The following INTS7 variants were observed in gnomAD, a reference collection of about 807,000 sequenced individuals.
INTS7 encodes integrator complex subunit 7, also known as chromosome 1 open reading frame 73.
INTS7 carries 46 observed loss-of-function variants against 109.2 expected under a neutral mutation model. That is an observed-to-expected ratio of 0.42 (90% CI 0.33 to 0.54). The LOEUF (loss-of-function observed/expected upper bound fraction) is 0.54. INTS7 is among the 20% of genes least tolerant of loss of function. INTS7 has a pLI of 0.07. For synonymous variants in INTS7, 412 were observed against 402.9 expected (o/e 1.02, Z -0.27); for missense variants, 929 against 1,132.4 (o/e 0.82, Z 2.58).
At chr1:211,962,978 CA>C (rs1663707483) in intron 16 of INTS7, among the ~76,000 whole-genome samples, 1 of 151,924 alleles carries the variant, frequency 6.6e-6, no homozygotes, top group Non-Finnish European at 1.5e-5. Flanking sequence ...GAATGAAGAG[CA>C]AATCAACCCC....
At chr1:212,009,302 T>C (rs1208686015) in intron 5 of INTS7, among the ~76,000 whole-genome samples, 1 of 152,216 alleles carries the variant, frequency 6.6e-6, no homozygotes, top group Non-Finnish European at 1.5e-5. Flanking sequence ...AGTGTACAGA[T>C]TAATGTATTT....
At chr1:211,950,763 A>T (rs1287574620) in intron 17 of INTS7, among the ~76,000 whole-genome samples, 1 of 152,230 alleles carries the variant, frequency 6.6e-6, no homozygotes, top group East Asian at 1.9e-4. Flanking sequence ...CTAGTTCTGA[A>T]TGAGCCTAGG....
chr1:212,004,537 G>A (rs2102464524), intron 7 of INTS7, among the ~76,000 whole-genome samples: 1 of 152,256 alleles, frequency 6.6e-6, no homozygotes, highest in South Asian at 2.1e-4. Flanking sequence ...CCTAAAATAA[G>A]TGGAAAGATA....
chr1:211,995,223 G>A (rs1665328689), intron 7 of INTS7, among the ~76,000 whole-genome samples: 1 of 152,088 alleles, frequency 6.6e-6, no homozygotes, highest in South Asian at 2.1e-4. Context: ...GCAAAGAAAA[G>A]CGATGGGACA....
Position 211,992,870 on chromosome 1 carries a change from GAA to G in INTS7, c.880-4869_880-4868del. On this transcript the variant is annotated intron_variant, in intron 7 of 19. Transcript: ENST00000366994. ...CAGGACCATTTTTCATAACAAAAAGGAAAAACTGTCTTTTCAAATGGAGTCCT... is the reference window on the plus strand; with the variant it reads ...CAGGACCATTTTTCATAACAAAAAGGAAACTGTCTTTTCAAATGGAGTCCT... Among the ~76,000 whole-genome samples the G allele has an allele frequency of 2.0e-5, 3 of 152,126 alleles. No individual in the cohort carries two copies. The South Asian group carries it at 6.2e-4, about 32-fold the overall frequency.
chr1:212,007,559 A>G, intron 5 of INTS7, 110 bp from the exon 6 acceptor site: 1 of 684,114 alleles, frequency 1.5e-6, no homozygotes. Flanking sequence ...AACACAGTAT[A>G]CTAATATATT....
At chr1:211,973,610 T>C (rs1040804388) in intron 13 of INTS7, among the ~76,000 whole-genome samples, 2 of 151,988 alleles carry the variant, frequency 1.3e-5, no homozygotes, top group South Asian at 2.1e-4. Context: ...TAGAAAGCAA[T>C]TGTCAAATCC....
chr1:212,015,710 T>TAA (rs58204818), intron 4 of INTS7, among the ~76,000 whole-genome samples: 3 of 34,978 alleles, frequency 8.6e-5, no homozygotes, highest in Admixed American at 4.0e-4. Flanking sequence ...CAATAAATAC[T>TAA]AAAAAAAAAA....
At chr1:212,026,598 G>GA (rs970431656) in intron 1 of INTS7, among the ~76,000 whole-genome samples, 62 of 152,110 alleles carry the variant, frequency 4.1e-4, no homozygotes, top group African/African-American at 1.3e-3. Context: ...AGCCTGATAT[G>GA]AAAAACGGGT....
intron 7 of INTS7, among the ~76,000 whole-genome samples, chr1:211,988,818 T>G (rs1665018814): frequency 6.6e-6 from 1 of 152,230 alleles, no homozygotes; most frequent in Non-Finnish European, 1.5e-5. Context: ...ATCTGGTTTC[T>G]AAGTGAACAG....
At chr1:212,025,195 A>G (rs1487430649) in intron 1 of INTS7, among the ~76,000 whole-genome samples, 2 of 152,206 alleles carry the variant, frequency 1.3e-5, no homozygotes, top group African/African-American at 2.4e-5. Flanking sequence ...CGATCTCAAA[A>G]TCATTATGCT....
At chr1:212,013,967 GTCCTC>G (rs1666282999) in intron 4 of INTS7, among the ~76,000 whole-genome samples, 1 of 152,120 alleles carries the variant, frequency 6.6e-6, no homozygotes, top group Non-Finnish European at 1.5e-5. Flanking sequence ...ATTTTTAAAA[GTCCTC>G]TCAATACCAA....
chr1:211,969,416 G>A (rs1664062035), intron 13 of INTS7, among the ~76,000 whole-genome samples: 1 of 151,890 alleles, frequency 6.6e-6, no homozygotes, highest in Non-Finnish European at 1.5e-5. Context: ...TGTAAAGTCG[G>A]GGGCAGAAAG....
chr1:211,952,622 C>CA lies in INTS7; in HGVS notation c.2262dup (p.Val755CysfsTer70). On this transcript the variant is annotated frameshift_variant, in exon 17 of 20. Transcript: ENST00000366994. LOFTEE classifies it high-confidence loss of function. ...TTGAGTGATTCTACCTCCTCCAAGA[C>CA]ATGATTATATACAGACATCATTCTT... The CA allele has an allele frequency of 6.2e-7, 1 of 1,612,830 alleles. No homozygotes were observed. Among genetic ancestry groups the CA allele is most frequent in the Non-Finnish European group, 8.5e-7 (1 of 1,179,036 alleles).
chr1:211,952,114 A>G (rs2102387797), intron 17 of INTS7, among the ~76,000 whole-genome samples: 1 of 152,320 alleles, frequency 6.6e-6, no homozygotes, highest in South Asian at 2.1e-4. Flanking sequence ...TCTCCCAACC[A>G]TGGCAGCATG....
intron 10 of INTS7, 86 bp from the exon 11 acceptor site, chr1:211,978,597 G>A: frequency 6.9e-7 from 1 of 1,454,858 alleles, no homozygotes; most frequent in Non-Finnish European, 9.4e-7. Flanking sequence ...AGGTTACTGG[G>A]GAAACTCAAG....
At chr1:211,984,270 G>A (rs1479803718) in intron 8 of INTS7, among the ~76,000 whole-genome samples, 3 of 151,918 alleles carry the variant, frequency 2.0e-5, no homozygotes, top group African/African-American at 7.3e-5. Context: ...GGACAATGCG[G>A]AGTCATCTAT....
chr1:211,986,280 C>T (rs1335011126), intron 8 of INTS7, among the ~76,000 whole-genome samples: 1 of 152,140 alleles, frequency 6.6e-6, no homozygotes, highest in African/African-American at 2.4e-5. Context: ...TGACCATAAT[C>T]ACACAAGTGA....
chr1:212,022,680 CCT>C (rs1666759545), intron 1 of INTS7, among the ~76,000 whole-genome samples: 1 of 152,156 alleles, frequency 6.6e-6, no homozygotes, highest in Non-Finnish European at 1.5e-5. Context: ...AACTCTCATA[CCT>C]TGTTAGTGGG....
Sources: allele counts gnomAD v4.1 joint callset (sites outside exome capture counted in the v4.1 genomes callset), GRCh38; gene constraint gnomAD v4.1.1; transcripts MANE v1.5; gene names NCBI Gene and HGNC (gene_info 2026-07-23, HGNC 2026-07-21).